BLOC1S3: variants seen among roughly 807,000 people sequenced by gnomAD.
BLOC1S3 encodes the protein biogenesis of lysosome-related organelles complex 1 subunit 3.
BLOC1S3 carries 7 observed loss-of-function variants against 9.1 expected under a neutral mutation model. The ratio of observed to expected loss-of-function variants is 0.77; its 90% CI spans 0.44 to 1.45. BLOC1S3 has a LOEUF of 1.45. Ranked by LOEUF, BLOC1S3 falls within the 40% of genes most tolerant of loss-of-function variation. The pLI is 0.01. For synonymous variants in BLOC1S3, 145 were observed against 158.4 expected (o/e 0.92, Z 0.64); for missense variants, 307 against 315.2 (o/e 0.97, Z 0.20).
chr19:45,179,340 A>C lies in BLOC1S3; in HGVS notation c.44A>C (p.Glu15Ala). ...CGGCGGAGGCCCCTGCGGAGGCCGG[A>C]GACGGTGGTGCCGGGGGAGGCGACC... Reference protein sequence around the residue: ...GRRRRPLRRPETVVPGEATET... With the variant: ...GRRRRPLRRPATVVPGEATET... Residue 15 changes from glutamate (E) to alanine (A), a missense_variant, in exon 2 of 2, where the codon GAG (glutamate) becomes GCG (alanine). Glu to Ala is a moderately radical substitution (Grantham distance 107, BLOSUM62 -1). Coordinates refer to ENST00000433642, the MANE Select transcript of BLOC1S3 (RefSeq NM_212550.5). This position sits in a 1 kb window ranked among gnomAD's most constrained non-coding sequence, Gnocchi z 4.6. 6.3e-7 allele frequency: 1 copy of C among 1,586,650 alleles called. No homozygotes were observed. Among genetic ancestry groups the C allele is most frequent in the Middle Eastern group, 1.7e-4 (1 of 6,004 alleles).
intron 2 of BLOC1S3, among the ~76,000 whole-genome samples, chr19:45,194,093 G>A (rs1159222479): frequency 1.6e-4 from 20 of 122,528 alleles, no homozygotes; most frequent in African/African-American, 3.8e-4. Flanking sequence ...GTGAGCCACC[G>A]CGCCTGGCCT....
chr19:45,207,723 C>T (rs866778965), intron 3 of BLOC1S3, among the ~76,000 whole-genome samples: 23 of 151,848 alleles, frequency 1.5e-4, no homozygotes, highest in Admixed American at 7.2e-4. Context: ...GGAGACAGAG[C>T]GAGACTCCAT....
At chr19:45,197,647 G>T (rs1433140082) in intron 2 of BLOC1S3, among the ~76,000 whole-genome samples, 10 of 151,782 alleles carry the variant, frequency 6.6e-5, no homozygotes, top group Non-Finnish European at 1.5e-4. Context: ...CCAACATGGT[G>T]AAACCCCGTC....
In BLOC1S3 at chr19:45,191,007, A is replaced by G. The variant is rs192313579; in HGVS notation, n.180+3267A>G. Among the ~76,000 whole-genome samples the G allele has an allele frequency of 4.7e-5, 7 of 149,536 alleles. No individual in the cohort carries two copies. The East Asian group carries it at 1.2e-3, about 26-fold the overall frequency. ...TTTTTAGTAGAGACGGGGTTTCACC[A>G]TGTTAGTCAGGATGGTCTCGATCTC... On this transcript the variant is annotated intron_variant and non_coding_transcript_variant, in intron 2 of 3. Transcript: ENST00000591569.
At chr19:45,196,038 TTGTGACTAC>T (rs1969646276) in intron 2 of BLOC1S3, among the ~76,000 whole-genome samples, 2 of 152,226 alleles carry the variant, frequency 1.3e-5, no homozygotes, top group South Asian at 4.1e-4. Context: ...TCCCTATTGT[TTGTGACTAC>T]ATATGGTGTG....
chr19:45,216,024 G>GAGAC, intron 3 of BLOC1S3: 1 of 1,605,290 alleles, frequency 6.2e-7, no homozygotes, highest in Non-Finnish European at 8.5e-7. Flanking sequence ...AGGCCGCCAG[G>GAGAC]AGACCTCGGC....
intron 3 of BLOC1S3, among the ~76,000 whole-genome samples, chr19:45,208,683 A>T (rs1015993020): frequency 9.2e-5 from 14 of 151,960 alleles, no homozygotes; most frequent in Non-Finnish European, 1.6e-4. Context: ...TGAATCCAGG[A>T]GGCTGAGGTT....
chr19:45,196,659 G>T (rs1193929776), intron 2 of BLOC1S3, among the ~76,000 whole-genome samples: 2 of 151,726 alleles, frequency 1.3e-5, no homozygotes, highest in African/African-American at 4.8e-5. Context: ...TTGGGAGGCC[G>T]AGGCGGGTGG....
downstream of BLOC1S3, among the ~76,000 whole-genome samples, chr19:45,184,387 A>AGT (rs898789539): frequency 1.3e-5 from 2 of 152,102 alleles, no homozygotes; most frequent in African/African-American, 4.8e-5. Context: ...GAAAGCACTG[A>AGT]TTGAGCCCAG....
chr19:45,179,272 C>A lies in BLOC1S3; in HGVS notation c.-9-16C>A. 1 of 1,554,144 alleles carries A rather than the reference C, an allele frequency of 6.4e-7. No homozygotes were observed. The highest frequency in any genetic ancestry group is 8.6e-7 in the Non-Finnish European group (1 of 1,158,676). Reference sequence around the variant, plus strand: ...GCGCCGGTCTCACGTGCAGTCCCTTCGCTCTTCTCCCCTAGTTCGGTGCCA... The same window carrying A: ...GCGCCGGTCTCACGTGCAGTCCCTTAGCTCTTCTCCCCTAGTTCGGTGCCA... On this transcript the variant is annotated splice_polypyrimidine_tract_variant and intron_variant, in intron 1 of 1. Transcript: ENST00000433642. This position sits in a 1 kb window ranked among gnomAD's most constrained non-coding sequence, Gnocchi z 4.6.
chr19:45,183,564 G>A (rs532071261), downstream of BLOC1S3, among the ~76,000 whole-genome samples: 5 of 150,440 alleles, frequency 3.3e-5, no homozygotes, highest in Non-Finnish European at 5.9e-5. Context: ...TAGGGCGAGT[G>A]GATCACAATT....
rs1969497462 is a variant in BLOC1S3 at position 45,180,164 on chromosome 19, C to A, written c.*259C>A. The A allele has an allele frequency of 2.4e-6, 1 of 415,670 alleles. No homozygotes were observed. The highest frequency in any genetic ancestry group is 2.1e-5 in the African/African-American group (1 of 47,892). The allele number at this position is 415,670 out of a possible 1,614,324, so 25.7% of individuals were successfully genotyped here. ...ACCCTGCCGCCTGGTTCTGAGCCTT[C>A]CCCTGGGGCTTGGCTCCAGCCTTTG... On this transcript the variant is annotated 3_prime_UTR_variant, in exon 2 of 2. Coordinates refer to ENST00000433642, the MANE Select transcript of BLOC1S3 (RefSeq NM_212550.5).
At chr19:45,188,172 G>A (rs2122900557) in intron 2 of BLOC1S3, among the ~76,000 whole-genome samples, 1 of 152,142 alleles carries the variant, frequency 6.6e-6, no homozygotes, top group East Asian at 1.9e-4. Context: ...ACAAGTGTAT[G>A]CCACTATGTC....
chr19:45,201,641 C>G (rs1335375388), intron 2 of BLOC1S3, among the ~76,000 whole-genome samples: 9 of 152,154 alleles, frequency 5.9e-5, no homozygotes, highest in Non-Finnish European at 1.0e-4. Context: ...CCTTAGGAAT[C>G]TACCTGGTGC....
intron 3 of BLOC1S3, among the ~76,000 whole-genome samples, chr19:45,204,166 C>T (rs1351810339): frequency 6.6e-6 from 1 of 150,504 alleles, no homozygotes; most frequent in East Asian, 2.0e-4. Flanking sequence ...GCTACCACAC[C>T]CGGCTGATTT....
chr19:45,182,882 C>A (rs1969536431), downstream of BLOC1S3, among the ~76,000 whole-genome samples: 1 of 151,952 alleles, frequency 6.6e-6, no homozygotes. Flanking sequence ...AGTAAAGGAG[C>A]TTTATGAAGG....
chr19:45,214,175 A>G (rs1969809034), intron 3 of BLOC1S3, among the ~76,000 whole-genome samples: 1 of 152,150 alleles, frequency 6.6e-6, no homozygotes, highest in South Asian at 2.1e-4. Flanking sequence ...GACTCCAGGA[A>G]TATGTGCCTT....
rs200799185 is a variant in BLOC1S3 at position 45,179,801 on chromosome 19, G to A, written c.505G>A (p.Ala169Thr). The change falls in exon 2 of 2, where the codon GCG becomes ACG. Residue 169 changes from alanine to threonine, a missense_variant. Coordinates refer to ENST00000433642, the MANE Select transcript of BLOC1S3 (RefSeq NM_212550.5). This position sits in a 1 kb window ranked among gnomAD's most constrained non-coding sequence, Gnocchi z 4.6. ...GCGCCTGGCGCGCGGGGACCTTTGT[G>A]CGCTGGCCGAGCGTCTGGACATCGT... is the stretch of plus-strand genomic sequence containing the variant. ...SVRLARGDLC[A>T]LAERLDIVAG... 1.6e-5 allele frequency: 26 copies of A among 1,600,580 alleles called. No homozygotes were observed. The highest frequency in any genetic ancestry group is 1.4e-5 in the Non-Finnish European group (17 of 1,176,044).
At chr19:45,194,497 T>G (rs1969632859) in intron 2 of BLOC1S3, among the ~76,000 whole-genome samples, 2 of 152,226 alleles carry the variant, frequency 1.3e-5, no homozygotes, top group Admixed American at 1.3e-4. Context: ...TTGTTTATTA[T>G]GAGCACATAT....
Sources: gnomAD v4.1 joint callset for allele counts (sites outside exome capture counted in the v4.1 genomes callset) on GRCh38, gnomAD v4.1.1 for gene constraint, Gnocchi (gnomAD v3.1) non-coding constraint, MANE v1.5 for transcripts, NCBI Gene and HGNC (gene_info 2026-07-23, HGNC 2026-07-21) for gene names.